GLIS3: variants seen among roughly 807,000 people sequenced by gnomAD.
The protein encoded by GLIS3 is GLIS family zinc finger 3, also known as zinc finger protein GLIS3.
GLIS3 carries 53 observed loss-of-function variants against 78.6 expected under a neutral mutation model. The ratio of observed to expected loss-of-function variants is 0.67; its 90% CI spans 0.54 to 0.85. The LOEUF is 0.85. GLIS3 is among the 40% of genes least tolerant of loss of function. The pLI, the probability that GLIS3 is intolerant of heterozygous loss-of-function variation, is 0.00. For missense variants in GLIS3, 1,703 were observed against 1,231.1 expected (o/e 1.38, Z -5.74); for synonymous variants, 684 against 509.9 (o/e 1.34, Z -4.60).
At chr9:4,039,510 A>C (rs971791156) in intron 4 of GLIS3, among the ~76,000 whole-genome samples, 1 of 152,156 alleles carries the variant, frequency 6.6e-6, no homozygotes, top group East Asian at 1.9e-4. Context: ...AAAACTTCAC[A>C]AACACAGGAC....
intron 2 of GLIS3, among the ~76,000 whole-genome samples, chr9:4,177,910 A>G (rs1169310225): frequency 6.6e-6 from 1 of 152,232 alleles, no homozygotes; most frequent in Non-Finnish European, 1.5e-5. Flanking sequence ...ACTAACTCCC[A>G]TCACAGCTTG....
the GLIS3 span, among the ~76,000 whole-genome samples, chr9:4,468,980 G>C: frequency 6.6e-6 from 1 of 152,064 alleles, no homozygotes; most frequent in African/African-American, 2.4e-5. Flanking sequence ...CGCAGGATTT[G>C]CAATCCTAGT....
chr9:4,206,327 T>G (rs1316962008), intron 2 of GLIS3, among the ~76,000 whole-genome samples: 2 of 152,196 alleles, frequency 1.3e-5, no homozygotes, highest in African/African-American at 4.8e-5. Context: ...TCTAAAAAAT[T>G]ACTAAAAGAC....
Position 4,145,920 on chromosome 9 carries a change from A to C in GLIS3, c.389-19979T>G, listed in dbSNP as rs535742260. On this transcript the variant is annotated intron_variant, in intron 2 of 10. Transcript: ENST00000381971. ...AAACTACAAAATATAGAAATTCCTA[A>C]AAAGGTCATTTCCAAGAAACTAACA... 1.2e-3 allele frequency among the ~76,000 whole-genome samples: 179 copies of C among 152,316 alleles called. 1 individual carries two copies. Among genetic ancestry groups the C allele is most frequent in the African/African-American group, 4.2e-3 (173 of 41,572 alleles).
At chr9:4,270,262 C>G (rs1826382821) in intron 2 of GLIS3, among the ~76,000 whole-genome samples, 1 of 152,172 alleles carries the variant, frequency 6.6e-6, no homozygotes, top group East Asian at 1.9e-4. Flanking sequence ...TATATTTTGC[C>G]TAATTTTCTA....
At chr9:4,363,410 G>A in the GLIS3 span, among the ~76,000 whole-genome samples, 1 of 152,132 alleles carries the variant, frequency 6.6e-6, no homozygotes, top group South Asian at 2.1e-4. Context: ...CAGAGACTCA[G>A]AAGAAGCAAA....
At chr9:4,226,244 TCTTG>T (rs1252014560) in intron 2 of GLIS3, among the ~76,000 whole-genome samples, 2 of 152,180 alleles carry the variant, frequency 1.3e-5, no homozygotes, top group African/African-American at 4.8e-5. Flanking sequence ...TAAACTGACC[TCTTG>T]CTTGGTTAAT....
At chr9:4,058,978 T>C (rs887080425) in intron 4 of GLIS3, among the ~76,000 whole-genome samples, 3 of 147,216 alleles carry the variant, frequency 2.0e-5, no homozygotes, top group Non-Finnish European at 4.5e-5. Flanking sequence ...CAAGACTCCA[T>C]CTCAAAAACA....
At chr9:3,856,307 T>TA (rs201638563) in intron 8 of GLIS3, 123 bp from the exon 9 acceptor site, 320 of 855,356 alleles carry the variant, frequency 3.7e-4, no homozygotes, top group African/African-American at 1.8e-3. Flanking sequence ...ACAAGCCTTT[T>TA]AAAAAAAAAT....
intron 2 of GLIS3, among the ~76,000 whole-genome samples, chr9:4,210,512 C>T (rs1820284270): frequency 6.6e-6 from 1 of 152,202 alleles, no homozygotes; most frequent in Admixed American, 6.5e-5. Context: ...AATTCATATC[C>T]AGCAAGCTAT....
intron 1 of GLIS3, among the ~76,000 whole-genome samples, chr9:4,288,729 T>C (rs931537067): frequency 1.0e-5 from 1 of 100,148 alleles, no homozygotes; most frequent in African/African-American, 3.3e-5. Flanking sequence ...TAAATAGTTT[T>C]AGGTTGAAAG....
chr9:3,943,429 C>G (rs1445340), intron 4 of GLIS3, among the ~76,000 whole-genome samples: 35,489 of 152,070 alleles, frequency 0.23, 5,811 homozygotes, highest in African/African-American at 0.47. Context: ...TCAAATCACC[C>G]GCTTGTCCTT....
chr9:4,050,747 T>C (rs1362928280), intron 4 of GLIS3, among the ~76,000 whole-genome samples: 1 of 152,180 alleles, frequency 6.6e-6, no homozygotes, highest in Non-Finnish European at 1.5e-5. Context: ...CAGTACTAAC[T>C]TTTTAAAGCC....
chr9:4,385,806 A>G, the GLIS3 span, among the ~76,000 whole-genome samples: 4 of 61,796 alleles, frequency 6.5e-5, 1 homozygote, highest in Non-Finnish European at 9.8e-5. Flanking sequence ...AGAAAGAAAG[A>G]AAGAAAAGAA....
chr9:4,397,640 AAAGGAAGGAAG>A, the GLIS3 span, among the ~76,000 whole-genome samples: 41 of 145,360 alleles, frequency 2.8e-4, no homozygotes, highest in South Asian at 8.4e-3. Flanking sequence ...GGAAGGAAGA[AAAGGAAGGAAG>A]AAAAGGAAGG....
intron 8 of GLIS3, among the ~76,000 whole-genome samples, chr9:3,869,268 T>G (rs1217723269): frequency 7.1e-4 from 5 of 7,018 alleles, no homozygotes; most frequent in African/African-American, 3.6e-3. Context: ...TTATCTAGGG[T>G]GTGTGTGTGT....
At chr9:4,284,975 C>A (rs999434278) in intron 2 of GLIS3, among the ~76,000 whole-genome samples, 7 of 151,776 alleles carry the variant, frequency 4.6e-5, no homozygotes, top group Non-Finnish European at 7.4e-5. Flanking sequence ...TTTTTTTAAA[C>A]CTGCCCATTT....
intron 4 of GLIS3, among the ~76,000 whole-genome samples, chr9:3,998,162 A>C (rs2129878255): frequency 6.6e-6 from 1 of 152,322 alleles, no homozygotes; most frequent in Non-Finnish European, 1.5e-5. Flanking sequence ...TGCTCCAAAA[A>C]GATGATCTAG....
At chr9:4,061,619 A>C (rs1826662782) in intron 4 of GLIS3, among the ~76,000 whole-genome samples, 1 of 152,208 alleles carries the variant, frequency 6.6e-6, no homozygotes, top group Admixed American at 6.6e-5. Flanking sequence ...GATATATATT[A>C]ACACAGTTTA....
Sources: gnomAD v4.1 joint callset for allele counts (sites outside exome capture counted in the v4.1 genomes callset) on GRCh38, gnomAD v4.1.1 for gene constraint, MANE v1.5 for transcripts, NCBI Gene and HGNC (gene_info 2026-07-23, HGNC 2026-07-21) for gene names.